The following ASPH variants were observed in gnomAD, a reference collection of about 807,000 sequenced individuals.
The protein encoded by ASPH is aspartate beta-hydroxylase.
In ASPH, 100 loss-of-function variants were observed where a neutral mutation model predicts 118.4. That is an observed-to-expected ratio of 0.84 (90% CI 0.72 to 1.00). ASPH has a LOEUF of 1.00. Ranked by LOEUF, ASPH falls within the 50% of genes least tolerant of loss-of-function variation. ASPH has a pLI of 0.00. For missense variants in ASPH, 920 were observed against 919.5 expected (o/e 1.00, Z -0.01); for synonymous variants, 315 against 325.6 (o/e 0.97, Z 0.35).
intron 14 of ASPH, among the ~76,000 whole-genome samples, chr8:61,614,114 G>C (rs2134017572): frequency 6.6e-6 from 1 of 151,922 alleles, no homozygotes; most frequent in East Asian, 1.9e-4. Flanking sequence ...TGTTTTGTTA[G>C]GGCCCTGATT....
intron 12 of ASPH, among the ~76,000 whole-genome samples, chr8:61,634,372 C>G (rs1221515338): frequency 6.6e-6 from 1 of 152,168 alleles, no homozygotes; most frequent in Non-Finnish European, 1.5e-5. Context: ...ATTATATCAA[C>G]ATTCCTTTTG....
rs767388835 is a variant in ASPH at position 61,638,340 on chromosome 8, C to T, written c.814G>A (p.Glu272Lys). ...AACTTACCTGTGATTTCTATCCCTT[C>T]ATTTTCTAGAGGTTCATATACTGCT... ...EQAVYEPLENEGIEITEVTAP... is the reference protein window; with the variant it reads ...EQAVYEPLENKGIEITEVTAP... The change falls in exon 11 of 25, where the codon GAA (glutamate) becomes AAA (lysine). Residue 272 changes from glutamate to lysine, a missense_variant. Coordinates refer to ENST00000379454, the MANE Select transcript of ASPH (RefSeq NM_004318.4). The T allele has an allele frequency of 3.8e-6, 6 of 1,592,940 alleles. No homozygotes were observed. The highest frequency in any genetic ancestry group is 1.8e-5 in the Admixed American group (1 of 55,822).
At chr8:61,566,080 T>C (rs917695912) in intron 17 of ASPH, among the ~76,000 whole-genome samples, 1 of 152,208 alleles carries the variant, frequency 6.6e-6, no homozygotes, top group Non-Finnish European at 1.5e-5. Context: ...AGGAGGTGAA[T>C]GGTGTTCTCA....
At chr8:61,532,290 T>C (rs981612488) in intron 21 of ASPH, among the ~76,000 whole-genome samples, 2 of 152,198 alleles carry the variant, frequency 1.3e-5, no homozygotes, top group Middle Eastern at 3.2e-3. Flanking sequence ...AATAGTGATG[T>C]TGAGCACATT....
intron 1 of ASPH, among the ~76,000 whole-genome samples, chr8:61,706,427 A>AAGAAG (rs1554594871): frequency 9.2e-4 from 79 of 86,090 alleles, no homozygotes; most frequent in African/African-American, 3.8e-3. Context: ...AAAAAAAAAA[A>AAGAAG]AAGAAGAAGA....
chr8:61,622,764 C>T (rs953232793), intron 13 of ASPH, among the ~76,000 whole-genome samples: 1 of 152,212 alleles, frequency 6.6e-6, no homozygotes, highest in Non-Finnish European at 1.5e-5. Context: ...GGCACCCCAC[C>T]TCTCTGACCT....
At chr8:61,577,174 C>T (rs895723479) in intron 15 of ASPH, among the ~76,000 whole-genome samples, 7 of 151,336 alleles carry the variant, frequency 4.6e-5, no homozygotes, top group South Asian at 2.1e-4. Flanking sequence ...CAGGGCCTGT[C>T]GTGGGGTGGG....
intron 1 of ASPH, 80 bp downstream of exon 1, chr8:61,714,189 G>T: frequency 3.7e-6 from 5 of 1,347,430 alleles, no homozygotes; most frequent in Non-Finnish European, 4.8e-6. Context: ...CTGGGGAGAT[G>T]CACCCGCAGC....
intron 3 of ASPH, chr8:61,660,825 G>A (rs1408828507): frequency 1.3e-5 from 2 of 152,072 alleles, no homozygotes; most frequent in African/African-American, 2.4e-5. Context: ...TACAATGAGA[G>A]TTGCAGAAAT....
chr8:61,504,827 A>G (rs150396028), intron 24 of ASPH, among the ~76,000 whole-genome samples: 2 of 152,330 alleles, frequency 1.3e-5, no homozygotes, highest in East Asian at 1.9e-4. Context: ...GACATACTGA[A>G]TAAGTCTGAT....
At chr8:61,611,647 C>A (rs1196684772) in intron 14 of ASPH, among the ~76,000 whole-genome samples, 1 of 152,204 alleles carries the variant, frequency 6.6e-6, no homozygotes, top group Admixed American at 6.5e-5. Context: ...GGCCAGGCAA[C>A]TGAAATTTAG....
intron 22 of ASPH, among the ~76,000 whole-genome samples, chr8:61,520,905 T>G (rs140972366): frequency 2.0e-5 from 3 of 152,174 alleles, no homozygotes; most frequent in African/African-American, 4.8e-5. Flanking sequence ...GTCCCTGAGA[T>G]TTTCAAGGAA....
Position 61,503,490 on chromosome 8 carries a change from C to A in ASPH, c.2146G>T (p.Val716Leu). The A allele has an allele frequency of 6.2e-7, 1 of 1,611,622 alleles. No individual in the cohort carries two copies. Among genetic ancestry groups the A allele is most frequent in the Non-Finnish European group, 8.5e-7 (1 of 1,178,830 alleles). The change falls in exon 25 of 25, where the codon GTG becomes TTG. Residue 716 changes from valine (V) to leucine (L), a missense_variant. Val to Leu is a conservative substitution (Grantham distance 32). Coordinates refer to ENST00000379454, the MANE Select transcript of ASPH (RefSeq NM_004318.4). ...NETKTWEEGK[V>L]LIFDDSFEHE... is the part of the protein sequence containing the mutation. The stretch of plus-strand genomic sequence containing the variant: ...TCAAAGGAGTCATCAAAGATGAGCA[C>A]CTTGCCTTCCTCCCAGGTCCTGCAG...
intron 14 of ASPH, among the ~76,000 whole-genome samples, chr8:61,592,751 A>C (rs1466182603): frequency 6.6e-6 from 1 of 152,168 alleles, no homozygotes; most frequent in East Asian, 1.9e-4. Context: ...CAGTTAACCC[A>C]AGATAGGACC....
At chr8:61,604,366 A>G (rs1844965332) in intron 14 of ASPH, among the ~76,000 whole-genome samples, 2 of 152,248 alleles carry the variant, frequency 1.3e-5, no homozygotes, top group Admixed American at 6.5e-5. Flanking sequence ...TAGGGAGGAA[A>G]AAAAGACTTG....
At chr8:61,693,386 T>C (rs1833138822) in intron 1 of ASPH, among the ~76,000 whole-genome samples, 2 of 152,210 alleles carry the variant, frequency 1.3e-5, no homozygotes, top group Admixed American at 1.3e-4. Context: ...CTTTTTTGGC[T>C]CCATCATAAT....
chr8:61,624,864 T>G (rs567154017), intron 13 of ASPH: 5 of 985,664 alleles, frequency 5.1e-6, no homozygotes, highest in South Asian at 9.4e-5. Context: ...GAGTATCATC[T>G]CTGTATCACC....
chr8:61,611,330 T>C (rs543651531), intron 14 of ASPH, among the ~76,000 whole-genome samples: 1 of 152,162 alleles, frequency 6.6e-6, no homozygotes, highest in Non-Finnish European at 1.5e-5. Flanking sequence ...TTAAAAGGGA[T>C]TATGGTAAAA....
intron 3 of ASPH, among the ~76,000 whole-genome samples, chr8:61,666,568 C>T (rs936384984): frequency 6.6e-6 from 1 of 152,144 alleles, no homozygotes; most frequent in Admixed American, 6.5e-5. Flanking sequence ...ATAAAACTTA[C>T]ATAGCACAAA....
Sources: allele counts gnomAD v4.1 joint callset (sites outside exome capture counted in the v4.1 genomes callset), GRCh38; gene constraint gnomAD v4.1.1; transcripts MANE v1.5; gene names NCBI Gene and HGNC (gene_info 2026-07-23, HGNC 2026-07-21).